Variants in PCNX2 observed in about 807,000 individuals in gnomAD.
PCNX2 encodes the protein pecanex 2.
PCNX2 carries 168 observed loss-of-function variants against 223.8 expected under a neutral mutation model. The ratio of observed to expected loss-of-function variants is 0.75; its 90% CI spans 0.66 to 0.85. The LOEUF (loss-of-function observed/expected upper bound fraction) is 0.85, where lower values mean the gene tolerates loss of function less well. PCNX2 is among the 40% of genes least tolerant of loss of function. PCNX2 has a pLI of 0.00. For synonymous variants in PCNX2, 1,006 were observed against 1,052.6 expected (o/e 0.96, Z 0.86); for missense variants, 2,507 against 2,675.5 (o/e 0.94, Z 1.39).
intron 8 of PCNX2, among the ~76,000 whole-genome samples, chr1:233,247,960 C>T (rs1659224058): frequency 6.6e-6 from 1 of 151,740 alleles, no homozygotes; most frequent in African/African-American, 2.4e-5. Context: ...AGACCAACAC[C>T]CTGTCAAATA....
the PCNX2 span, among the ~76,000 whole-genome samples, chr1:233,305,172 A>G: frequency 5.3e-5 from 8 of 152,306 alleles, no homozygotes; most frequent in East Asian, 1.5e-3. Context: ...TTTATGGTAT[A>G]AAAATATTTT....
rs1659792606 is a variant in PCNX2 at position 233,257,367 on chromosome 1, TGA to T, written c.1834+659_1834+660del. 2.6e-5 allele frequency among the ~76,000 whole-genome samples: 4 copies of T among 152,216 alleles called. No homozygotes were observed. The South Asian group carries it at 8.3e-4, about 32-fold the overall frequency. ...TATATAAGGAGTAAGTGAGTTAATA[TGA>T]GAGTAACTGTATAATTTATCATCTA... On this transcript the variant is annotated intron_variant, in intron 5 of 33. Coordinates refer to ENST00000258229, the MANE Select transcript of PCNX2 (RefSeq NM_014801.4).
At chr1:233,208,942 C>CA (rs150062021) in intron 12 of PCNX2, among the ~76,000 whole-genome samples, 7,356 of 150,020 alleles carry the variant, frequency 0.049, 562 homozygotes, top group African/African-American at 0.17. Flanking sequence ...GCCTATCATT[C>CA]TCAACAAGAT....
In PCNX2 at chr1:233,057,411, C is replaced by T. The variant is rs901085402; in HGVS notation, c.4077-121G>A. ...AGGTGACAGATCTCACAGGTTAAGA[C>T]GATTGCTGTAGTTTTACCACACTGC... On this transcript the variant is annotated intron_variant, in intron 23 of 33. Transcript: ENST00000258229. 1.6e-4 allele frequency: 123 copies of T among 750,658 alleles called. 1 individual carries two copies. The highest frequency in any genetic ancestry group is 3.3e-4 in the African/African-American group (19 of 57,134). The allele number at this position is 750,658 out of a possible 1,614,324, so 46.5% of individuals were successfully genotyped here.
chr1:233,074,886 C>T (rs191829558), intron 23 of PCNX2, among the ~76,000 whole-genome samples: 78 of 152,162 alleles, frequency 5.1e-4, no homozygotes, highest in African/African-American at 1.8e-3. Flanking sequence ...CTGTATACCC[C>T]TCAGAATGGC....
In PCNX2 at chr1:233,252,391, T is replaced by TA; in HGVS notation, c.2090dup (p.Ser698IlefsTer10). 1 of 1,612,782 alleles carries TA rather than the reference T, an allele frequency of 6.2e-7. No individual in the cohort carries two copies. The highest frequency in any genetic ancestry group is 8.5e-7 in the Non-Finnish European group (1 of 1,178,930). On this transcript the variant is annotated frameshift_variant, in exon 7 of 34. Transcript: ENST00000258229. LOFTEE classifies it high-confidence loss of function. ...TGAAGACATGCATAGCATCCACAGA[T>TA]ATCTCTTCTTGTACAGATGTTTCAG...
At chr1:233,154,275 T>A (rs1353984334) in intron 19 of PCNX2, among the ~76,000 whole-genome samples, 1 of 152,146 alleles carries the variant, frequency 6.6e-6, no homozygotes, top group Non-Finnish European at 1.5e-5. Flanking sequence ...AGAGACAGGG[T>A]TTCACCGTGT....
intron 23 of PCNX2, among the ~76,000 whole-genome samples, chr1:233,071,030 C>T (rs1248850543): frequency 2.6e-5 from 4 of 151,772 alleles, no homozygotes; most frequent in East Asian, 1.9e-4. Flanking sequence ...AGCAAGACTC[C>T]GTCACAAAAA....
chr1:233,321,589 C>A, the PCNX2 span, among the ~76,000 whole-genome samples: 1 of 152,212 alleles, frequency 6.6e-6, no homozygotes, highest in Admixed American at 6.5e-5. Context: ...TGAGCCACCA[C>A]GCCCAGTCAA....
At chr1:233,218,860 A>G (rs1657190513) in intron 10 of PCNX2, among the ~76,000 whole-genome samples, 1 of 152,094 alleles carries the variant, frequency 6.6e-6, no homozygotes, top group Non-Finnish European at 1.5e-5. Flanking sequence ...TTTCAATGGA[A>G]GGGGGTGGTA....
At chr1:233,161,414 C>T (rs2102822667) in intron 17 of PCNX2, 51 bp from the exon 18 acceptor site, 3 of 1,479,716 alleles carry the variant, frequency 2.0e-6, no homozygotes, top group East Asian at 4.6e-5. Context: ...CTCTCAGCAA[C>T]TCTGTGTAAC....
chr1:233,058,019 T>C lies in PCNX2; in HGVS notation c.4077-729A>G, dbSNP rs77428792. 3.0e-3 allele frequency: 2,952 copies of C among 985,414 alleles called. 37 individuals carry two copies. The African/African-American group carries it at 0.035, about 12-fold the overall frequency. The allele number at this position is 985,414 out of a possible 1,614,324, so 61.0% of individuals were successfully genotyped here. On this transcript the variant is annotated intron_variant, in intron 23 of 33. Coordinates refer to ENST00000258229, the MANE Select transcript of PCNX2 (RefSeq NM_014801.4). ...CTTTCAAGAGTGGGGTATACTCTTA[T>C]AGACCTTTCTTAGGTTGAACCATGA... is the stretch of plus-strand genomic sequence containing the variant.
chr1:233,146,998 T>G (rs1445871094), intron 19 of PCNX2, among the ~76,000 whole-genome samples: 4 of 152,236 alleles, frequency 2.6e-5, no homozygotes, highest in Non-Finnish European at 5.9e-5. Context: ...ACAATGAATT[T>G]CAAATAAAAG....
At chr1:233,144,174 C>T (rs1677291389) in intron 19 of PCNX2, among the ~76,000 whole-genome samples, 1 of 151,958 alleles carries the variant, frequency 6.6e-6, no homozygotes, top group Non-Finnish European at 1.5e-5. Context: ...GAGCGTAGAC[C>T]CTGTCTCAAA....
At chr1:233,291,610 A>G (rs1472960702) in intron 1 of PCNX2, 2 of 387,780 alleles carry the variant, frequency 5.2e-6, no homozygotes, top group African/African-American at 4.5e-5. Flanking sequence ...CTCTGTCTCA[A>G]AAAAAAAAAA....
At chr1:233,264,152 C>G (rs1271855995) in intron 1 of PCNX2, among the ~76,000 whole-genome samples, 1 of 152,188 alleles carries the variant, frequency 6.6e-6, no homozygotes, top group Non-Finnish European at 1.5e-5. Flanking sequence ...AGTTGTCCCA[C>G]TCTGTAGCAT....
intron 31 of PCNX2, 151 bp downstream of exon 31, chr1:232,998,954 T>C: frequency 3.8e-6 from 3 of 799,326 alleles, no homozygotes; most frequent in Admixed American, 3.2e-5. Flanking sequence ...CTGAAACAAA[T>C]GATCTGTTCG....
intron 21 of PCNX2, among the ~76,000 whole-genome samples, chr1:233,129,213 C>G (rs1676288558): frequency 7.2e-6 from 1 of 139,726 alleles, no homozygotes; most frequent in African/African-American, 2.6e-5. Context: ...GCCCCGCACT[C>G]AGAGCGGCCC....
intron 17 of PCNX2, among the ~76,000 whole-genome samples, chr1:233,164,411 C>G (rs1484793046): frequency 6.6e-6 from 1 of 151,996 alleles, no homozygotes; most frequent in East Asian, 1.9e-4. Flanking sequence ...ACGGAACTAC[C>G]ATATGATCCA....
Sources: gnomAD v4.1 joint callset for allele counts (sites outside exome capture counted in the v4.1 genomes callset) on GRCh38, gnomAD v4.1.1 for gene constraint, MANE v1.5 for transcripts, NCBI Gene and HGNC (gene_info 2026-07-23, HGNC 2026-07-21) for gene names.